Variants in IL10RA observed in about 807,000 individuals in gnomAD.
The protein encoded by IL10RA is interleukin-10 receptor subunit alpha.
IL10RA carries 18 observed loss-of-function variants against 29.6 expected under a neutral mutation model. That is an observed-to-expected ratio of 0.61 (90% confidence interval 0.42 to 0.90). IL10RA has a LOEUF of 0.90. IL10RA is among the 40% of genes least tolerant of loss of function. The probability of loss-of-function intolerance (pLI) is 0.00; values close to 1 mark genes in which losing one functional copy is unlikely to be tolerated. For synonymous variants in IL10RA, 292 were observed against 294.1 expected, an observed-to-expected ratio of 0.99 and a Z score of 0.07; for missense variants, 634 against 716.6, an observed-to-expected ratio of 0.88 and a Z score of 1.32.
chr11:117,986,606 G>A, intron 1 of IL10RA, 72 bp downstream of exon 1: 1 of 1,544,668 alleles, frequency 6.5e-7, no homozygotes, highest in South Asian at 1.2e-5. Flanking sequence ...TCTCCATCCA[G>A]TGGAGAGCCC....
At chr11:117,992,447 A>C (rs4252265) in intron 3 of IL10RA, among the ~76,000 whole-genome samples, 1 of 152,188 alleles carries the variant, frequency 6.6e-6, no homozygotes, top group Non-Finnish European at 1.5e-5. Context: ...TGATGATTAG[A>C]GATGTTGACC....
intron 6 of IL10RA, among the ~76,000 whole-genome samples, chr11:117,997,300 A>G (rs901293031): frequency 6.6e-6 from 1 of 152,216 alleles, no homozygotes; most frequent in African/African-American, 2.4e-5. Flanking sequence ...TCTATGTACC[A>G]CACTTTGTTC....
Position 117,986,456 on chromosome 11 carries a change from G to C in IL10RA, c.-12G>C. ...GCTCCGCTCCGGCCCCGGACGATGC[G>C]GCGCGCCCAGGATGCTGCCGTGCCT... On this transcript the variant is annotated 5_prime_UTR_variant, in exon 1 of 7. Transcript: ENST00000227752. 1 of 1,551,212 alleles carries C rather than the reference G, an allele frequency of 6.4e-7. No homozygotes were observed. Among genetic ancestry groups the C allele is most frequent in the Non-Finnish European group, 8.7e-7 (1 of 1,147,768 alleles).
intron 1 of IL10RA, 81 bp downstream of exon 1, chr11:117,986,615 C>T: frequency 6.5e-7 from 1 of 1,543,890 alleles, no homozygotes; most frequent in Non-Finnish European, 8.7e-7. Flanking sequence ...AGTGGAGAGC[C>T]CTGGCTGGCT....
intron 3 of IL10RA, among the ~76,000 whole-genome samples, chr11:117,990,340 C>T (rs4252254): frequency 0.17 from 24,851 of 143,652 alleles, 2,432 homozygotes; most frequent in African/African-American, 0.31. Context: ...TGAATGGGCC[C>T]AGGGCATCTG....
intron 3 of IL10RA, among the ~76,000 whole-genome samples, chr11:117,992,213 C>A (rs2058027492): frequency 6.6e-6 from 1 of 152,154 alleles, no homozygotes; most frequent in African/African-American, 2.4e-5. Context: ...TCGATATATA[C>A]CCAGTAGTGG....
intron 5 of IL10RA, chr11:117,995,187 G>A (rs751223331): frequency 5.0e-5 from 17 of 340,180 alleles, no homozygotes; most frequent in Non-Finnish European, 9.3e-5. Flanking sequence ...ACCTTATGAG[G>A]TCAGTGGCTC....
At chr11:117,992,293 G>T (rs541414073) in intron 3 of IL10RA, among the ~76,000 whole-genome samples, 2 of 152,264 alleles carry the variant, frequency 1.3e-5, no homozygotes, top group South Asian at 4.2e-4. Flanking sequence ...TTCCATAATG[G>T]CTGAGAAATT....
chr11:118,001,889 T>C (rs910042228), downstream of IL10RA: 2 of 167,374 alleles, frequency 1.2e-5, no homozygotes, highest in South Asian at 2.8e-4. Flanking sequence ...CGATAAGGAG[T>C]GTGCAGCGGG....
chr11:117,997,658 T>TA (rs1378027121), intron 6 of IL10RA, among the ~76,000 whole-genome samples: 1 of 152,224 alleles, frequency 6.6e-6, no homozygotes, highest in Non-Finnish European at 1.5e-5. Flanking sequence ...GACAGGGTAG[T>TA]AAACAACACT....
Position 118,000,688 on chromosome 11 carries a change from C to A in IL10RA, c.*1047C>A, listed in dbSNP as rs1303777546. 2 of 454,266 alleles carry A rather than the reference C, an allele frequency of 4.4e-6. No individual in the cohort carries two copies. The highest frequency in any genetic ancestry group is 8.8e-6 in the Non-Finnish European group (2 of 226,786). 28.1% of individuals were successfully genotyped at this position (454,266 alleles called of 1,614,324 possible). On this transcript the variant is annotated 3_prime_UTR_variant, in exon 7 of 7. Coordinates refer to ENST00000227752, the MANE Select transcript of IL10RA (RefSeq NM_001558.4). ...TTGGACTAGCCACTTGTCAGAGGGC[C>A]TCAATCTCCCATCTGTGAAATAAGG...
chr11:117,996,973 CG>C, intron 6 of IL10RA, among the ~76,000 whole-genome samples: 1 of 152,328 alleles, frequency 6.6e-6, no homozygotes, highest in Non-Finnish European at 1.5e-5. Context: ...ATCTGATGAT[CG>C]TAGTCATTAC....
chr11:117,986,576 C>G, intron 1 of IL10RA, 42 bp downstream of exon 1: 1 of 1,549,018 alleles, frequency 6.5e-7, no homozygotes, highest in Non-Finnish European at 8.7e-7. Flanking sequence ...CTGCCCTCTC[C>G]GCGCCCGCTC....
intron 1 of IL10RA, chr11:117,987,497 T>A (rs949360252): frequency 6.5e-6 from 1 of 154,362 alleles, no homozygotes; most frequent in African/African-American, 2.4e-5. Flanking sequence ...AGAGTCGCTG[T>A]CAAATGGAGA....
intron 5 of IL10RA, 198 bp downstream of exon 5, chr11:117,994,347 T>C (rs372078168): frequency 4.8e-5 from 28 of 584,600 alleles, no homozygotes; most frequent in East Asian, 4.3e-4. Context: ...ATTAGCAACT[T>C]CCTAGGGTTG....
chr11:117,987,103 C>T (rs1277050662), intron 1 of IL10RA: 1 of 347,248 alleles, frequency 2.9e-6, no homozygotes, highest in Non-Finnish European at 5.7e-6. Context: ...AGACAGTTCT[C>T]CGGCAAGGTT....
chr11:117,988,057 G>T, intron 1 of IL10RA: 1 of 405,426 alleles, frequency 2.5e-6, no homozygotes. Flanking sequence ...GCAGAGCCAG[G>T]GACTAACACA....
intron 3 of IL10RA, among the ~76,000 whole-genome samples, chr11:117,991,303 A>C (rs901462098): frequency 1.3e-5 from 2 of 152,238 alleles, no homozygotes; most frequent in East Asian, 3.8e-4. Flanking sequence ...TATGAGGTAC[A>C]GTGTTATGTA....
Position 117,999,335 on chromosome 11 carries a change from C to T in IL10RA, c.1431C>T (p.Phe477=), listed in dbSNP as rs1334671007. Residue 477 remains phenylalanine, a synonymous_variant, in exon 7 of 7, where the codon TTC becomes TTT. Coordinates refer to ENST00000227752, the MANE Select transcript of IL10RA (RefSeq NM_001558.4). ...SPLTDGLGPK[F]GRCLVDEAGL... ...TGACAGATGGCCTTGGCCCCAAATT[C>T]GGGAGATGCCTGGTTGATGAGGCAG... The T allele has an allele frequency of 2.1e-5, 34 of 1,614,114 alleles. No individual in the cohort carries two copies. Among genetic ancestry groups the T allele is most frequent in the Middle Eastern group, 1.6e-4 (1 of 6,084 alleles).
Sources: gnomAD v4.1 joint callset for allele counts (sites outside exome capture counted in the v4.1 genomes callset) on GRCh38, gnomAD v4.1.1 for gene constraint, MANE v1.5 for transcripts, NCBI Gene and HGNC (gene_info 2026-07-23, HGNC 2026-07-21) for gene names.